MFF: variants seen among roughly 807,000 people sequenced by gnomAD.
The protein encoded by MFF is chromosome 2 open reading frame 33.
MFF carries 12 observed loss-of-function variants against 36.9 expected under a neutral mutation model. The observed-to-expected ratio is 0.33, with a 90% CI of 0.21 to 0.53. MFF has a LOEUF of 0.53. Among genes scored for constraint, MFF ranks in the 20% least tolerant of loss-of-function variants. The pLI is 0.95. For synonymous variants in MFF, 99 were observed against 126.2 expected, an observed-to-expected ratio of 0.78 and a Z score of 1.44; for missense variants, 348 against 366.6, an observed-to-expected ratio of 0.95 and a Z score of 0.42.
chr2:227,340,865 T>C (rs2075350980), intron 5 of MFF, among the ~76,000 whole-genome samples: 1 of 152,226 alleles, frequency 6.6e-6, no homozygotes, highest in Non-Finnish European at 1.5e-5. Context: ...AGATTATTAA[T>C]GTCAGTGCTT....
intron 7 of MFF, 24 bp from the exon 8 acceptor site, chr2:227,355,653 T>G: frequency 7.0e-7 from 1 of 1,434,936 alleles, no homozygotes; most frequent in Non-Finnish European, 9.8e-7. Flanking sequence ...ACTATTCATT[T>G]GTATTTCTAT....
intron 4 of MFF, among the ~76,000 whole-genome samples, chr2:227,336,287 A>G (rs1381012877): frequency 6.6e-6 from 1 of 152,236 alleles, no homozygotes; most frequent in Non-Finnish European, 1.5e-5. Context: ...GCTTTGTGAG[A>G]AGGCCATTGA....
intron 4 of MFF, among the ~76,000 whole-genome samples, chr2:227,339,215 A>G (rs886827192): frequency 6.6e-6 from 1 of 152,098 alleles, no homozygotes; most frequent in Non-Finnish European, 1.5e-5. Context: ...AAAAAAAAAA[A>G]AGGTATTTTC....
chr2:227,348,938 C>G (rs1392263264), intron 6 of MFF, among the ~76,000 whole-genome samples: 1 of 152,040 alleles, frequency 6.6e-6, no homozygotes, highest in African/African-American at 2.4e-5. Context: ...CTAATATTTA[C>G]AAGGGCCTGT....
intron 5 of MFF, chr2:227,346,318 A>G (rs951910177): frequency 6.0e-6 from 1 of 167,084 alleles, no homozygotes; most frequent in Admixed American, 6.5e-5. Context: ...CGTAGTCTGT[A>G]TGTCAGTTAA....
Position 227,357,673 on chromosome 2 carries a change from TG to T in MFF, c.*557del, listed in dbSNP as rs1288501301. 1 of 152,462 alleles carries T rather than the reference TG, an allele frequency of 6.6e-6. No individual in the cohort carries two copies. Among genetic ancestry groups the T allele is most frequent in the Non-Finnish European group, 1.5e-5 (1 of 68,176 alleles). 9.4% of individuals were successfully genotyped at this position (152,462 alleles called of 1,614,324 possible). A position where few individuals can be genotyped will look rare whatever the true frequency, so the allele number is the denominator to read the frequency against. ...ACTTGTACAGATTAATTTCTAACAT[TG>T]CAGCAGTTTCATATGTGTGCAATAT... On this transcript the variant is annotated 3_prime_UTR_variant, in exon 9 of 9. Transcript: ENST00000304593.
At chr2:227,328,295 C>CAAAA (rs869086091) in intron 1 of MFF, among the ~76,000 whole-genome samples, 5 of 72,628 alleles carry the variant, frequency 6.9e-5, no homozygotes, top group Admixed American at 1.5e-4. Flanking sequence ...GCCCGGGTGA[C>CAAAA]AAAAAAAAAA....
At chr2:227,355,018 G>A (rs746108885) in intron 7 of MFF, among the ~76,000 whole-genome samples, 4 of 152,072 alleles carry the variant, frequency 2.6e-5, no homozygotes, top group Non-Finnish European at 5.9e-5. Context: ...AAAATTAGCC[G>A]GGCATGGTGG....
chr2:227,328,326 T>G (rs1407170928), intron 1 of MFF, among the ~76,000 whole-genome samples: 3 of 134,908 alleles, frequency 2.2e-5, no homozygotes, highest in African/African-American at 8.1e-5. Flanking sequence ...AAAAACCAAT[T>G]CATTTGTTCT....
chr2:227,340,406 C>T (rs1176535334), intron 5 of MFF, 26 bp downstream of exon 5: 2 of 1,433,200 alleles, frequency 1.4e-6, no homozygotes, highest in Admixed American at 1.8e-5. Context: ...AGCATTTTAT[C>T]TCGTTTGTAA....
chr2:227,342,352 C>T (rs1409739024), intron 5 of MFF, among the ~76,000 whole-genome samples: 1 of 151,992 alleles, frequency 6.6e-6, no homozygotes, highest in Non-Finnish European at 1.5e-5. Flanking sequence ...ATCTTACTAA[C>T]TTTAGAATTT....
intron 5 of MFF, among the ~76,000 whole-genome samples, chr2:227,344,472 AT>A (rs1367616431): frequency 6.6e-6 from 1 of 152,216 alleles, no homozygotes. Flanking sequence ...TGTGGAGTAC[AT>A]TTTAGCTCCT....
chr2:227,329,491 G>T, intron 2 of MFF: 1 of 388,034 alleles, frequency 2.6e-6, no homozygotes. Context: ...CTCAAATCAA[G>T]CCCTAAGCCA....
Position 227,355,721 on chromosome 2 carries a change from A to G in MFF, c.704A>G (p.Asp235Gly). ...GATACAACCATTGAAGGAACGTCAG[A>G]TGACCTGACTGTTGTAGATGCAGCT... Reference protein sequence around the residue: ...NIDTTIEGTSDDLTVVDAASL... With the variant: ...NIDTTIEGTSGDLTVVDAASL... Residue 235 changes from aspartate to glycine, a missense_variant, in exon 8 of 9, where the codon GAT (aspartate) becomes GGT (glycine). Coordinates refer to ENST00000304593, the MANE Select transcript of MFF (RefSeq NM_001277062.2). The G allele has an allele frequency of 6.2e-7, 1 of 1,612,354 alleles. No homozygotes were observed. Among genetic ancestry groups the G allele is most frequent in the Non-Finnish European group, 8.5e-7 (1 of 1,178,504 alleles).
chr2:227,357,146 C>A lies in MFF; in HGVS notation c.*29C>A, dbSNP rs1182038638. On this transcript the variant is annotated 3_prime_UTR_variant, in exon 9 of 9. Coordinates refer to ENST00000304593, the MANE Select transcript of MFF (RefSeq NM_001277062.2). The stretch of plus-strand genomic sequence containing the variant: ...TAACATCAGCCCTCAAAAATACTGT[C>A]TCAACAGCTGGAAATATAAAAGATT... 2 of 1,597,792 alleles carry A rather than the reference C, an allele frequency of 1.3e-6. No individual in the cohort carries two copies. Among genetic ancestry groups the A allele is most frequent in the African/African-American group, 2.7e-5 (2 of 74,104 alleles).
At chr2:227,347,162 C>T in intron 5 of MFF, 64 bp from the exon 6 acceptor site, 1 of 1,463,312 alleles carries the variant, frequency 6.8e-7, no homozygotes, top group South Asian at 1.2e-5. Context: ...GACTGCTCAG[C>T]TGAAGTTTTA....
chr2:227,352,268 G>A (rs1056034893), intron 6 of MFF: 1 of 393,924 alleles, frequency 2.5e-6, no homozygotes, highest in Non-Finnish European at 4.6e-6. Flanking sequence ...TGTTGGTGCT[G>A]TTTTGTCGTG....
chr2:227,350,486 C>G (rs1178125717), intron 6 of MFF, among the ~76,000 whole-genome samples: 1 of 152,040 alleles, frequency 6.6e-6, no homozygotes, highest in Non-Finnish European at 1.5e-5. Flanking sequence ...ATTGTACCAG[C>G]TTTGAGTGCA....
At chr2:227,326,858 G>C (rs1264990783) in intron 1 of MFF, among the ~76,000 whole-genome samples, 1 of 152,104 alleles carries the variant, frequency 6.6e-6, no homozygotes, top group Non-Finnish European at 1.5e-5. Context: ...ACCACAGTCA[G>C]TTTGACTCAA....
Sources: gnomAD v4.1 joint callset for allele counts (sites outside exome capture counted in the v4.1 genomes callset) on GRCh38, gnomAD v4.1.1 for gene constraint, MANE v1.5 for transcripts, NCBI Gene and HGNC (gene_info 2026-07-23, HGNC 2026-07-21) for gene names.